The following DPYSL5 variants were observed in gnomAD, a reference collection of about 807,000 sequenced individuals.
DPYSL5 encodes the protein dihydropyrimidinase like 5, also known as dihydropyrimidinase-related protein 5.
In DPYSL5, 9 loss-of-function variants were observed where a neutral mutation model predicts 58.4. That is an observed-to-expected ratio of 0.15 (90% CI 0.09 to 0.27). The LOEUF (loss-of-function observed/expected upper bound fraction) is 0.27. Among genes scored for constraint, DPYSL5 ranks in the 10% least tolerant of loss-of-function variants. The pLI, the probability that DPYSL5 is intolerant of heterozygous loss-of-function variation, is 1.00. For synonymous variants in DPYSL5, 293 were observed against 301.9 expected (o/e 0.97, Z 0.31); for missense variants, 499 against 770.6 (o/e 0.65, Z 4.17).
intron 1 of DPYSL5, among the ~76,000 whole-genome samples, chr2:26,857,661 A>G (rs192712283): frequency 1.3e-5 from 2 of 152,340 alleles, no homozygotes; most frequent in East Asian, 3.9e-4. Context: ...ATTTCTTATA[A>G]TAATTTCAGA....
intron 8 of DPYSL5, among the ~76,000 whole-genome samples, chr2:26,937,653 G>A (rs1665213969): frequency 6.6e-6 from 1 of 151,624 alleles, no homozygotes; most frequent in Admixed American, 6.6e-5. Flanking sequence ...TTCAGACAGG[G>A]TCTGGCTCTG....
At chr2:26,862,958 A>T (rs1666054053) in intron 1 of DPYSL5, among the ~76,000 whole-genome samples, 1 of 151,478 alleles carries the variant, frequency 6.6e-6, no homozygotes, top group Non-Finnish European at 1.5e-5. Flanking sequence ...AGGGGAGGGG[A>T]CTTGTTGAGG....
chr2:26,867,706 C>A lies in DPYSL5; in HGVS notation c.-5+19452C>A, dbSNP rs558872313. ...TCCTGACCTCGTGATCCGCCCGCCTCGGCCTCCCAAAGTGCTGGGATTACA... is the reference window on the plus strand; with the variant it reads ...TCCTGACCTCGTGATCCGCCCGCCTAGGCCTCCCAAAGTGCTGGGATTACA... On this transcript the variant is annotated intron_variant, in intron 1 of 12. Transcript: ENST00000288699. Among the ~76,000 whole-genome samples the A allele has an allele frequency of 5.3e-5, 8 of 152,186 alleles. No individual in the cohort carries two copies. In the East Asian group the frequency reaches 1.5e-3, roughly 29 times the overall value.
chr2:26,855,101 A>T (rs1294877003), intron 1 of DPYSL5, among the ~76,000 whole-genome samples: 1 of 151,246 alleles, frequency 6.6e-6, no homozygotes. Flanking sequence ...CACAGGCGTG[A>T]GCCACTGCGC....
chr2:26,916,234 C>T (rs1664560123), intron 2 of DPYSL5, among the ~76,000 whole-genome samples: 1 of 152,160 alleles, frequency 6.6e-6, no homozygotes, highest in Non-Finnish European at 1.5e-5. Context: ...CCAGTCAGGT[C>T]CATCATCCCA....
intron 2 of DPYSL5, among the ~76,000 whole-genome samples, chr2:26,903,227 A>G (rs1268595044): frequency 1.3e-5 from 2 of 152,048 alleles, no homozygotes; most frequent in Non-Finnish European, 2.9e-5. Flanking sequence ...ACACCACCAC[A>G]TCTGGCTAAT....
intron 1 of DPYSL5, among the ~76,000 whole-genome samples, chr2:26,884,518 T>TCA (rs1663661767): frequency 1.7e-5 from 1 of 60,280 alleles, no homozygotes; most frequent in South Asian, 4.0e-4. Flanking sequence ...GCTTGTCCTA[T>TCA]CTCACACACA....
chr2:26,851,168 C>A (rs1169031812), intron 1 of DPYSL5, among the ~76,000 whole-genome samples: 2 of 152,012 alleles, frequency 1.3e-5, no homozygotes, highest in African/African-American at 4.8e-5. Context: ...ATATTATTAC[C>A]CAAAGGGAAC....
At chr2:26,931,221 A>G (rs1220227063) in intron 5 of DPYSL5, among the ~76,000 whole-genome samples, 10 of 121,510 alleles carry the variant, frequency 8.2e-5, no homozygotes, top group South Asian at 2.7e-4. Flanking sequence ...ATATATATAT[A>G]TATATATATG....
chr2:26,916,421 T>C (rs1664565224), intron 2 of DPYSL5, among the ~76,000 whole-genome samples: 1 of 152,146 alleles, frequency 6.6e-6, no homozygotes, highest in Non-Finnish European at 1.5e-5. Flanking sequence ...GGGATGGCAG[T>C]GTGGCCTGAC....
intron 1 of DPYSL5, among the ~76,000 whole-genome samples, chr2:26,864,849 T>G (rs1468231120): frequency 6.6e-6 from 1 of 152,122 alleles, no homozygotes; most frequent in Non-Finnish European, 1.5e-5. Context: ...CGTACTCCCC[T>G]GTTTCCACCT....
chr2:26,884,323 G>A (rs1204245454), intron 1 of DPYSL5, among the ~76,000 whole-genome samples: 1 of 152,120 alleles, frequency 6.6e-6, no homozygotes, highest in African/African-American at 2.4e-5. Context: ...TTATGGAAGT[G>A]GGATTTACTC....
At chr2:26,882,374 T>A (rs1663591419) in intron 1 of DPYSL5, among the ~76,000 whole-genome samples, 1 of 151,952 alleles carries the variant, frequency 6.6e-6, no homozygotes, top group African/African-American at 2.4e-5. Flanking sequence ...GCCTTCTGAC[T>A]AGCTGGGACT....
At chr2:26,926,167 C>T (rs1664826046) in intron 3 of DPYSL5, among the ~76,000 whole-genome samples, 1 of 152,250 alleles carries the variant, frequency 6.6e-6, no homozygotes, top group African/African-American at 2.4e-5. Context: ...GCCCTCGGGT[C>T]TTAGCCTTGA....
chr2:26,948,688 C>T lies in DPYSL5; in HGVS notation c.*1693C>T, dbSNP rs1268352550. On this transcript the variant is annotated 3_prime_UTR_variant, in exon 13 of 13. Coordinates refer to ENST00000288699, the MANE Select transcript of DPYSL5 (RefSeq NM_020134.4). Reference sequence around the variant, plus strand: ...CCTGGCTAACACGGTGAAACCCCGTCTCTACTAAAAATACAAAAATTACCC... The same window carrying T: ...CCTGGCTAACACGGTGAAACCCCGTTTCTACTAAAAATACAAAAATTACCC... 6.5e-6 allele frequency: 1 copy of T among 152,738 alleles called. No individual in the cohort carries two copies. The highest frequency in any genetic ancestry group is 2.1e-4 in the South Asian group (1 of 4,834). The allele number at this position is 152,738 out of a possible 1,614,324, so 9.5% of individuals were successfully genotyped here.
chr2:26,942,977 G>T lies in DPYSL5; in HGVS notation c.1440+227G>T, dbSNP rs1665365202. ...TGATTACCAAGTGGCATTTTAAGTG[G>T]TCAGGCAGCAGGGCTCCTGAGTTGC... On this transcript the variant is annotated intron_variant, in intron 11 of 12. Transcript: ENST00000288699. This position sits in a 1 kb window ranked among gnomAD's most constrained non-coding sequence, Gnocchi z 5.9. 6.6e-6 allele frequency among the ~76,000 whole-genome samples: 1 copy of T among 152,196 alleles called. No homozygotes were observed. The highest frequency in any genetic ancestry group is 1.5e-5 in the Non-Finnish European group (1 of 68,036).
At chr2:26,853,164 G>C (rs1665797864) in intron 1 of DPYSL5, among the ~76,000 whole-genome samples, 1 of 152,176 alleles carries the variant, frequency 6.6e-6, no homozygotes, top group Admixed American at 6.5e-5. Flanking sequence ...AATTAAGAGT[G>C]TTCCAGAAGT....
chr2:26,884,152 G>C (rs1405241023), intron 1 of DPYSL5, among the ~76,000 whole-genome samples: 1 of 152,208 alleles, frequency 6.6e-6, no homozygotes, highest in African/African-American at 2.4e-5. Flanking sequence ...TATCTGCCAG[G>C]AGTCGGTGCC....
At chr2:26,862,728 G>T (rs1572672988) in intron 1 of DPYSL5, among the ~76,000 whole-genome samples, 1 of 152,202 alleles carries the variant, frequency 6.6e-6, no homozygotes. Context: ...GGGATGCCAG[G>T]CACATCCAGC....
Sources: allele counts gnomAD v4.1 joint callset (sites outside exome capture counted in the v4.1 genomes callset), GRCh38; gene constraint gnomAD v4.1.1; non-coding constraint Gnocchi (gnomAD v3.1); transcripts MANE v1.5; gene names NCBI Gene and HGNC (gene_info 2026-07-23, HGNC 2026-07-21).